Variants in LRP1B observed in about 807,000 individuals in gnomAD.
LRP1B encodes the protein low-density lipoprotein receptor-related protein 1B.
A neutral mutation model predicts 556.6 loss-of-function variants in LRP1B; 217 were observed. That is an observed-to-expected ratio of 0.39 (90% CI 0.35 to 0.44). The LOEUF (loss-of-function observed/expected upper bound fraction) is 0.44. Among genes scored for constraint, LRP1B ranks in the 20% least tolerant of loss-of-function variants. The pLI is 1.00. For synonymous variants in LRP1B, 2,047 were observed against 1,865.8 expected, an observed-to-expected ratio of 1.10 and a Z score of -2.50; for missense variants, 5,053 against 5,620.8, an observed-to-expected ratio of 0.90 and a Z score of 3.23.
At chr2:141,023,881 C>T (rs1424290326) in intron 11 of LRP1B, among the ~76,000 whole-genome samples, 1 of 152,026 alleles carries the variant, frequency 6.6e-6, no homozygotes, top group African/African-American at 2.4e-5. Context: ...CTATCCTTAG[C>T]ATGAACATTA....
chr2:141,015,587 C>G (rs1573983207), intron 13 of LRP1B, 109 bp downstream of exon 13: 1 of 877,750 alleles, frequency 1.1e-6, no homozygotes. Flanking sequence ...CTATTGGCAG[C>G]CACCTCAGAG....
At chr2:140,680,504 T>A (rs1401424948) in intron 41 of LRP1B, among the ~76,000 whole-genome samples, 1 of 152,208 alleles carries the variant, frequency 6.6e-6, no homozygotes, top group African/African-American at 2.4e-5. Context: ...ACCTTTACAA[T>A]GAAATAACTG....
chr2:140,770,009 C>T (rs2104936745), intron 34 of LRP1B, among the ~76,000 whole-genome samples: 1 of 151,912 alleles, frequency 6.6e-6, no homozygotes, highest in South Asian at 2.1e-4. Flanking sequence ...TGCATTTTGC[C>T]AATATATTAG....
chr2:141,300,281 AG>A (rs1345845406), intron 3 of LRP1B, among the ~76,000 whole-genome samples: 2 of 152,216 alleles, frequency 1.3e-5, no homozygotes, highest in Non-Finnish European at 2.9e-5. Flanking sequence ...ACAAAGATTG[AG>A]GGAATCCCAA....
At chr2:142,061,676 G>A (rs183984729) in intron 1 of LRP1B, among the ~76,000 whole-genome samples, 73 of 152,000 alleles carry the variant, frequency 4.8e-4, no homozygotes, top group Admixed American at 2.0e-3. Flanking sequence ...TAGTAGGATA[G>A]GAATCAAAAT....
chr2:141,410,617 G>A (rs72985159), intron 3 of LRP1B, among the ~76,000 whole-genome samples: 5,602 of 152,070 alleles, frequency 0.037, 378 homozygotes, highest in African/African-American at 0.13. Context: ...AAAATATTCA[G>A]TAACATAATC....
At chr2:140,752,603 G>A (rs2104898225) in intron 35 of LRP1B, among the ~76,000 whole-genome samples, 2 of 152,244 alleles carry the variant, frequency 1.3e-5, no homozygotes, top group East Asian at 3.9e-4. Context: ...GGGATGACAG[G>A]CGTGAGCCAC....
Position 140,867,854 on chromosome 2 carries a change from T to C in LRP1B, c.4335-20A>G. 2 of 1,501,148 alleles carry C rather than the reference T, an allele frequency of 1.3e-6. No homozygotes were observed. Among genetic ancestry groups the C allele is most frequent in the Non-Finnish European group, 8.9e-7 (1 of 1,126,082 alleles). The allele number at this position is 1,501,148 out of a possible 1,614,324, so 93.0% of individuals were successfully genotyped here. On this transcript the variant is annotated intron_variant, in intron 26 of 90. Transcript: ENST00000389484. ...TCTGACCTACAGAAAGATAAATACA[T>C]GAGTAGTTTGTCAAAACTCATTCAA...
chr2:140,935,354 A>T lies in LRP1B; in HGVS notation c.3137-12207T>A, dbSNP rs576908734. Among the ~76,000 whole-genome samples, 36 of 152,264 alleles carry T rather than the reference A, an allele frequency of 2.4e-4. 1 individual carries two copies. The South Asian group carries it at 6.8e-3, about 29-fold the overall frequency. On this transcript the variant is annotated intron_variant, in intron 20 of 90. Transcript: ENST00000389484. ...CTTTAAAGAGCTAAGCCTAAAAAGAAAATGAAAAGCCTTTGGAGATGAAAA... is the reference window on the plus strand; with the variant it reads ...CTTTAAAGAGCTAAGCCTAAAAAGATAATGAAAAGCCTTTGGAGATGAAAA...
intron 41 of LRP1B, among the ~76,000 whole-genome samples, chr2:140,668,601 C>T (rs2105353783): frequency 6.6e-6 from 1 of 151,966 alleles, no homozygotes; most frequent in Admixed American, 6.6e-5. Context: ...ATATAAATAG[C>T]CTCCTTCAAA....
At chr2:141,679,952 A>G (rs1303027650) in intron 2 of LRP1B, among the ~76,000 whole-genome samples, 1 of 151,788 alleles carries the variant, frequency 6.6e-6, no homozygotes, top group Non-Finnish European at 1.5e-5. Context: ...TTATATATCT[A>G]TCTTAAGATA....
intron 41 of LRP1B, among the ~76,000 whole-genome samples, chr2:140,649,875 TA>T (rs1684614126): frequency 6.6e-6 from 1 of 152,218 alleles, no homozygotes; most frequent in Admixed American, 6.5e-5. Context: ...CAATAAATAT[TA>T]GGTATATTTG....
chr2:140,654,443 A>G (rs1385162045), intron 41 of LRP1B, among the ~76,000 whole-genome samples: 3 of 152,188 alleles, frequency 2.0e-5, no homozygotes, highest in African/African-American at 7.2e-5. Flanking sequence ...ATTGTTCTTT[A>G]TCAGTTATTT....
At chr2:140,461,608 G>A (rs568907886) in intron 60 of LRP1B, among the ~76,000 whole-genome samples, 3 of 152,266 alleles carry the variant, frequency 2.0e-5, no homozygotes, top group Admixed American at 1.3e-4. Context: ...GCCGAGGCAA[G>A]CTGATCACCT....
chr2:141,196,347 A>G (rs1681750625), intron 6 of LRP1B, among the ~76,000 whole-genome samples: 2 of 152,070 alleles, frequency 1.3e-5, no homozygotes, highest in African/African-American at 4.8e-5. Context: ...TAAAGCTTAT[A>G]TATAACTTAA....
chr2:141,188,012 G>A (rs1681333911), intron 7 of LRP1B, among the ~76,000 whole-genome samples: 1 of 151,950 alleles, frequency 6.6e-6, no homozygotes, highest in African/African-American at 2.4e-5. Flanking sequence ...AATCCTAAAC[G>A]TTATGCTGGA....
intron 2 of LRP1B, among the ~76,000 whole-genome samples, chr2:141,684,840 G>A (rs1691237709): frequency 6.6e-6 from 1 of 152,028 alleles, no homozygotes; most frequent in Admixed American, 6.6e-5. Flanking sequence ...AAGAGACAGA[G>A]ATAGGACAGA....
intron 2 of LRP1B, among the ~76,000 whole-genome samples, chr2:141,628,565 G>GATAA (rs1688785543): frequency 6.6e-6 from 1 of 152,206 alleles, no homozygotes; most frequent in African/African-American, 2.4e-5. Flanking sequence ...AACAAGGTAA[G>GATAA]ATAAATGTCT....
intron 2 of LRP1B, among the ~76,000 whole-genome samples, chr2:141,646,928 G>A (rs1258849623): frequency 6.6e-6 from 1 of 152,162 alleles, no homozygotes; most frequent in Non-Finnish European, 1.5e-5. Flanking sequence ...CAGGATGGTA[G>A]CAGTGGGTAT....
Sources: gnomAD v4.1 joint callset for allele counts (sites outside exome capture counted in the v4.1 genomes callset) on GRCh38, gnomAD v4.1.1 for gene constraint, MANE v1.5 for transcripts, NCBI Gene and HGNC (gene_info 2026-07-23, HGNC 2026-07-21) for gene names.